CCSER2: variants seen among roughly 807,000 people sequenced by gnomAD.
CCSER2 encodes coiled-coil serine rich protein 2.
CCSER2 carries 46 observed loss-of-function variants against 92.3 expected under a neutral mutation model. The observed-to-expected ratio is 0.50, with a 90% CI of 0.39 to 0.64. The LOEUF (loss-of-function observed/expected upper bound fraction) is 0.64. CCSER2 is among the 30% of genes least tolerant of loss of function. The pLI is 0.00. For missense variants in CCSER2, 1,244 were observed against 1,238.9 expected, an observed-to-expected ratio of 1.00 and a Z score of -0.06; for synonymous variants, 433 against 431.4, an observed-to-expected ratio of 1.00 and a Z score of -0.04.
chr10:84,440,320 A>G (rs1844449381), intron 6 of CCSER2, among the ~76,000 whole-genome samples: 1 of 152,084 alleles, frequency 6.6e-6, no homozygotes, highest in Admixed American at 6.5e-5. Context: ...AAAATTGCAA[A>G]ATCTTTGTAG....
At chr10:84,451,602 T>C (rs553654121) in intron 6 of CCSER2, among the ~76,000 whole-genome samples, 1 of 152,158 alleles carries the variant, frequency 6.6e-6, no homozygotes, top group African/African-American at 2.4e-5. Flanking sequence ...AGGAATATCT[T>C]TAAGTGCCAA....
At chr10:84,434,153 T>C (rs995899461) in intron 5 of CCSER2, among the ~76,000 whole-genome samples, 3 of 152,206 alleles carry the variant, frequency 2.0e-5, no homozygotes, top group African/African-American at 7.2e-5. Context: ...TCTTATTTTT[T>C]ATTACCCTTC....
chr10:84,452,527 C>G, intron 6 of CCSER2, among the ~76,000 whole-genome samples: 1 of 152,190 alleles, frequency 6.6e-6, no homozygotes, highest in Non-Finnish European at 1.5e-5. Flanking sequence ...TTCAGAAATT[C>G]TAACTAGAAA....
At chr10:84,490,497 C>T (rs1848092911) in intron 9 of CCSER2, among the ~76,000 whole-genome samples, 1 of 152,308 alleles carries the variant, frequency 6.6e-6, no homozygotes, top group Middle Eastern at 3.4e-3. Context: ...ATTTGATCTT[C>T]AATCACTGAT....
At chr10:84,427,715 CT>C (rs1200632928) in intron 5 of CCSER2, among the ~76,000 whole-genome samples, 1 of 152,098 alleles carries the variant, frequency 6.6e-6, no homozygotes, top group Non-Finnish European at 1.5e-5. Context: ...CCCAGACCTC[CT>C]TTTTTTCTAC....
chr10:84,446,350 C>T (rs1267699946), intron 6 of CCSER2, among the ~76,000 whole-genome samples: 2 of 152,066 alleles, frequency 1.3e-5, no homozygotes, highest in African/African-American at 4.8e-5. Context: ...TTATTCCCTC[C>T]CCTCCAACGT....
chr10:84,457,321 TTA>T (rs1564685060), intron 6 of CCSER2, among the ~76,000 whole-genome samples: 17 of 56,742 alleles, frequency 3.0e-4, no homozygotes, highest in East Asian at 1.1e-3. Flanking sequence ...ATATAATATA[TTA>T]TATATAATAT....
intron 6 of CCSER2, among the ~76,000 whole-genome samples, chr10:84,445,205 G>A (rs1305120087): frequency 6.6e-6 from 1 of 152,134 alleles, no homozygotes; most frequent in Non-Finnish European, 1.5e-5. Context: ...CCAGGCTGGA[G>A]TGCAGTGGTG....
At chr10:84,482,346 A>G (rs1847508055) in intron 9 of CCSER2, among the ~76,000 whole-genome samples, 1 of 152,216 alleles carries the variant, frequency 6.6e-6, no homozygotes, top group Non-Finnish European at 1.5e-5. Flanking sequence ...AATCATTCAC[A>G]TGAAAATAGT....
intron 3 of CCSER2, among the ~76,000 whole-genome samples, chr10:84,385,004 A>ACACACACACACACAC (rs1554838159): frequency 1.4e-5 from 2 of 145,790 alleles, no homozygotes; most frequent in African/African-American, 5.1e-5. Context: ...ATTTACAATA[A>ACACACACACACACAC]ACACACACAC....
intron 1 of CCSER2, among the ~76,000 whole-genome samples, chr10:84,335,579 C>T (rs1173928135): frequency 5.3e-5 from 8 of 152,070 alleles, no homozygotes; most frequent in Non-Finnish European, 1.2e-4. Flanking sequence ...AAATTCCAGT[C>T]CTGTTTTTTT....
intron 9 of CCSER2, chr10:84,499,911 G>T: frequency 1.2e-6 from 2 of 1,613,866 alleles, no homozygotes; most frequent in Non-Finnish European, 1.7e-6. Context: ...TCCTTGGCAG[G>T]GCTCCTTCCA....
chr10:84,420,988 C>T (rs1334337344), intron 4 of CCSER2, among the ~76,000 whole-genome samples: 1 of 149,118 alleles, frequency 6.7e-6, no homozygotes, highest in Admixed American at 6.7e-5. Flanking sequence ...TGAATTGCCA[C>T]TAATTCTCCC....
At chr10:84,477,403 C>T (rs1182374441) in intron 8 of CCSER2, among the ~76,000 whole-genome samples, 172 bp from the exon 9 acceptor site, 1 of 152,078 alleles carries the variant, frequency 6.6e-6, no homozygotes, top group Non-Finnish European at 1.5e-5. Flanking sequence ...TGGTTACATA[C>T]CCCCTAAAAG....
At chr10:84,377,647 G>A (rs553670971) in intron 3 of CCSER2, among the ~76,000 whole-genome samples, 2 of 152,232 alleles carry the variant, frequency 1.3e-5, no homozygotes, top group East Asian at 3.9e-4. Context: ...ATATTAGAAT[G>A]AGCTTGTCCG....
At chr10:84,502,241 C>T (rs1471555451) in intron 9 of CCSER2, among the ~76,000 whole-genome samples, 1 of 151,786 alleles carries the variant, frequency 6.6e-6, no homozygotes, top group African/African-American at 2.4e-5. Context: ...TCAGATGATA[C>T]TTGTCTCCAC....
intron 8 of CCSER2, among the ~76,000 whole-genome samples, chr10:84,476,027 G>T (rs989987108): frequency 2.0e-5 from 3 of 151,968 alleles, no homozygotes; most frequent in African/African-American, 4.8e-5. Flanking sequence ...GTAGATACAG[G>T]GTTTTGCCTT....
chr10:84,457,466 A>G (rs1451431890), intron 6 of CCSER2, among the ~76,000 whole-genome samples: 1 of 112,308 alleles, frequency 8.9e-6, no homozygotes, highest in Non-Finnish European at 1.7e-5. Context: ...AATATATAAT[A>G]TATATATAAA....
At chr10:84,503,276 T>C (rs1848867644) in intron 9 of CCSER2, among the ~76,000 whole-genome samples, 1 of 152,158 alleles carries the variant, frequency 6.6e-6, no homozygotes, top group Admixed American at 6.5e-5. Flanking sequence ...TTCTGGCCTT[T>C]ATTATTTTTC....
Sources: allele counts gnomAD v4.1 joint callset (sites outside exome capture counted in the v4.1 genomes callset), GRCh38; gene constraint gnomAD v4.1.1; transcripts MANE v1.5; gene names NCBI Gene and HGNC (gene_info 2026-07-23, HGNC 2026-07-21).